Variants in RASEF observed in about 807,000 individuals in gnomAD.
The protein encoded by RASEF is ras and EF-hand domain-containing protein.
A neutral mutation model predicts 90.1 loss-of-function variants in RASEF; 68 were observed. That is an observed-to-expected ratio of 0.75 (90% CI 0.62 to 0.92). The LOEUF is 0.92. Ranked by LOEUF, RASEF falls within the 40% of genes least tolerant of loss-of-function variation. RASEF has a pLI of 0.00. For synonymous variants in RASEF, 331 were observed against 345.2 expected (o/e 0.96, Z 0.46); for missense variants, 949 against 937.2 (o/e 1.01, Z -0.16).
At chr9:83,069,263 CTACT>C in the RASEF span, among the ~76,000 whole-genome samples, 2 of 152,158 alleles carry the variant, frequency 1.3e-5, no homozygotes, top group Non-Finnish European at 2.9e-5. Context: ...TGTTTAACTT[CTACT>C]TAATCAAGAT....
chr9:83,107,519 A>G, the RASEF span, among the ~76,000 whole-genome samples: 2 of 151,754 alleles, frequency 1.3e-5, no homozygotes, highest in Admixed American at 6.6e-5. Flanking sequence ...CCATTTTCTT[A>G]TTTCCCATTT....
At chr9:83,182,241 G>A in the RASEF span, among the ~76,000 whole-genome samples, 8 of 152,284 alleles carry the variant, frequency 5.3e-5, no homozygotes, top group East Asian at 1.5e-3. Flanking sequence ...ACACAAGTGT[G>A]CTGCTTCCAG....
the RASEF span, among the ~76,000 whole-genome samples, chr9:83,125,292 A>G: frequency 6.6e-6 from 1 of 152,192 alleles, no homozygotes; most frequent in Admixed American, 6.5e-5. Context: ...TAGAAGCTGG[A>G]CAAGGCATGA....
rs894826815 is a variant in RASEF at position 83,001,062 on chromosome 9, G to C, written c.1271C>G (p.Thr424Arg). 2.5e-6 allele frequency: 4 copies of C among 1,614,000 alleles called. No individual in the cohort carries two copies. The African/African-American group carries it at 5.3e-5, about 22-fold the overall frequency. Residue 424 changes from threonine (T) to arginine (R), a missense_variant, in exon 10 of 17, where the codon ACA becomes AGA. This residue lies in a region of RASEF where 656 missense variants were observed against 592.2 expected (regional missense o/e 1.11). Transcript: ENST00000376447. ...SLALCDPLQR[T>R]NCEVDSLPES... ...AGGCAGGCTGTCAACTTCACAATTT[G>C]TCCTCTGCAGAGGATCACAGAGGGC...
Position 82,992,968 on chromosome 9 carries a change from C to G in RASEF, c.1978G>C (p.Asp660His), listed in dbSNP as rs1285680242. 1.9e-6 allele frequency: 3 copies of G among 1,613,970 alleles called. No homozygotes were observed. In the East Asian group the frequency reaches 6.7e-5, roughly 36 times the overall value. Residue 660 changes from aspartate (D) to histidine (H), a missense_variant, in exon 15 of 17, where the codon GAC (aspartate) becomes CAC (histidine). Asp to His is a moderately conservative substitution (Grantham distance 81, BLOSUM62 -1). Transcript: ENST00000376447. ...TTTTGTCCCTCTGTAGCAGCAGTGT[C>G]ACGAATGTCAGCCTTGTTTCCTACC... ...MLVGNKADIR[D>H]TAATEGQKCV...
the RASEF span, among the ~76,000 whole-genome samples, chr9:83,204,437 C>T: frequency 6.6e-6 from 1 of 152,318 alleles, no homozygotes; most frequent in African/African-American, 2.4e-5. Flanking sequence ...CCTTCACTTA[C>T]ACTGGCTATG....
chr9:83,128,036 T>TG, the RASEF span, among the ~76,000 whole-genome samples: 317 of 151,168 alleles, frequency 2.1e-3, 5 homozygotes, highest in East Asian at 7.7e-4. Context: ...TTTTTTTTTT[T>TG]TTTTGTTTTG....
At chr9:83,024,927 A>G (rs1829515087) in intron 2 of RASEF, among the ~76,000 whole-genome samples, 1 of 152,094 alleles carries the variant, frequency 6.6e-6, no homozygotes, top group Non-Finnish European at 1.5e-5. Flanking sequence ...CAGGGTGCAC[A>G]GCGTCTTGGG....
intron 6 of RASEF, among the ~76,000 whole-genome samples, chr9:83,008,890 TCATATATATATATATATATATATATATA>T (rs1829179909): frequency 6.9e-5 from 1 of 14,478 alleles, no homozygotes; most frequent in African/African-American, 2.3e-4. Flanking sequence ...GAAGTTCTCA[TCATATATATATATATATATATATATATA>T]TATATATATA....
At chr9:83,092,278 T>C in the RASEF span, among the ~76,000 whole-genome samples, 13 of 152,122 alleles carry the variant, frequency 8.5e-5, no homozygotes, top group Non-Finnish European at 1.9e-4. Context: ...TAGTATTGTG[T>C]CTGGAACTGG....
chr9:83,172,472 T>G, the RASEF span, among the ~76,000 whole-genome samples: 26,142 of 151,652 alleles, frequency 0.17, 2,438 homozygotes, highest in Non-Finnish European at 0.21. Flanking sequence ...TCCTACTGTC[T>G]TCTTTTGTGG....
chr9:83,061,131 A>G (rs940198727), intron 1 of RASEF, among the ~76,000 whole-genome samples: 3 of 152,230 alleles, frequency 2.0e-5, no homozygotes, highest in Non-Finnish European at 4.4e-5. Flanking sequence ...TGACTCAAAT[A>G]AAGAGTATAG....
chr9:83,099,752 G>A, the RASEF span, among the ~76,000 whole-genome samples: 2 of 152,190 alleles, frequency 1.3e-5, no homozygotes, highest in East Asian at 1.9e-4. Context: ...CCTGGAGCAC[G>A]CACAAAGATA....
chr9:83,100,946 AACTATTAGGTATATTACCT>A, the RASEF span, among the ~76,000 whole-genome samples: 1 of 152,200 alleles, frequency 6.6e-6, no homozygotes, highest in African/African-American at 2.4e-5. Flanking sequence ...TTGATTGGTC[AACTATTAGGTATATTACCT>A]ACTAAATAGC....
At chr9:83,099,371 G>A in the RASEF span, among the ~76,000 whole-genome samples, 1 of 152,182 alleles carries the variant, frequency 6.6e-6, no homozygotes, top group Non-Finnish European at 1.5e-5. Flanking sequence ...GAAAGGGTCT[G>A]ATGTTCCAGG....
chr9:83,045,834 AACAGCTGCAC>A (rs1259833949), intron 1 of RASEF, among the ~76,000 whole-genome samples: 1 of 152,206 alleles, frequency 6.6e-6, no homozygotes, highest in African/African-American at 2.4e-5. Context: ...CAAGTCCATT[AACAGCTGCAC>A]ACAGCAGGCT....
rs201288492 is a variant in RASEF, at chr9:82,993,056, C to G, written c.1921-31G>C. 115 of 1,607,574 alleles carry G rather than the reference C, an allele frequency of 7.2e-5. 1 individual carries two copies. The African/African-American group carries it at 1.5e-3, about 21-fold the overall frequency. On this transcript the variant is annotated intron_variant, in intron 14 of 16. Transcript: ENST00000376447. The stretch of plus-strand genomic sequence containing the variant: ...AGGAAGAAAAAAAAAATGGGGCACA[C>G]ATCAAACACTGGACACATTACGATG...
chr9:83,124,903 C>G, the RASEF span, among the ~76,000 whole-genome samples: 1 of 152,052 alleles, frequency 6.6e-6, no homozygotes, highest in South Asian at 2.1e-4. Context: ...CCACAACAGG[C>G]CATTAGCAAA....
Position 82,992,990 on chromosome 9 carries a change from T to G in RASEF, c.1956A>C (p.Val652=). 1 of 1,613,812 alleles carries G rather than the reference T, an allele frequency of 6.2e-7. No individual in the cohort carries two copies. The highest frequency in any genetic ancestry group is 1.3e-5 in the African/African-American group (1 of 74,948). The change falls in exon 15 of 17, where the codon GTA becomes GTC. Residue 652 remains valine (V), a synonymous_variant. Transcript: ENST00000376447. ...TGTCACGAATGTCAGCCTTGTTTCC[T>G]ACCAGCATAATGGGAACAGTCTCAT... The part of the protein sequence containing the change: ...AAHETVPIML[V]GNKADIRDTA...
Sources: gnomAD v4.1 joint callset for allele counts (sites outside exome capture counted in the v4.1 genomes callset) on GRCh38, gnomAD v4.1.1 for gene constraint, gnomAD v4.1.1 regional missense constraint, MANE v1.5 for transcripts, NCBI Gene and HGNC (gene_info 2026-07-23, HGNC 2026-07-21) for gene names.